Variants in JAKMIP1 observed in about 807,000 individuals in gnomAD.
JAKMIP1 encodes the protein janus kinase and microtubule-interacting protein 1.
Under a neutral mutation model 113.0 loss-of-function variants are expected in JAKMIP1, and 33 were observed. The ratio of observed to expected loss-of-function variants is 0.29; its 90% CI spans 0.22 to 0.39. JAKMIP1 has a LOEUF of 0.39. Ranked by LOEUF, JAKMIP1 falls within the 10% of genes least tolerant of loss-of-function variation. JAKMIP1 has a pLI of 1.00. For missense variants in JAKMIP1, 813 were observed against 1,080.5 expected (o/e 0.75, Z 3.47); for synonymous variants, 480 against 459.9 (o/e 1.04, Z -0.56).
rs28484635 is a variant in JAKMIP1 at position 6,098,585 on chromosome 4, G to A, written c.624+6888C>T. 2.6e-3 allele frequency among the ~76,000 whole-genome samples: 225 copies of A among 85,360 alleles called. 1 individual carries two copies. Among genetic ancestry groups the A allele is most frequent in the Middle Eastern group, 0.014 (2 of 146 alleles). The allele number at this position is 85,360 out of a possible 152,430, so 56.0% of individuals were successfully genotyped here. On this transcript the variant is annotated intron_variant, in intron 3 of 20. Coordinates refer to ENST00000409021, the MANE Select transcript of JAKMIP1 (RefSeq NM_001099433.2). ...AAGAAAGAAAGAAAGAAAGAAAGAA[G>A]GAAAGGAAGAAAGAAAGGAAGAAAA... is the stretch of plus-strand genomic sequence containing the variant.
intron 2 of JAKMIP1, among the ~76,000 whole-genome samples, chr4:6,107,775 C>T (rs141987764): frequency 2.4e-4 from 37 of 152,228 alleles, no homozygotes; most frequent in African/African-American, 8.4e-4. Flanking sequence ...GTGTGTGTCA[C>T]AACCTATTGG....
chr4:6,058,387 T>C (rs1488619275), intron 11 of JAKMIP1, among the ~76,000 whole-genome samples: 1 of 152,274 alleles, frequency 6.6e-6, no homozygotes, highest in Non-Finnish European at 1.5e-5. Flanking sequence ...AGGGAATAAG[T>C]ACATTCTATG....
At chr4:6,109,234 G>A (rs1226921475) in intron 2 of JAKMIP1, among the ~76,000 whole-genome samples, 1 of 144,348 alleles carries the variant, frequency 6.9e-6, no homozygotes, top group East Asian at 2.1e-4. Flanking sequence ...CCAGGTTCAC[G>A]CCATTCTCCT....
chr4:6,112,794 C>T lies in JAKMIP1; in HGVS notation c.57G>A (p.Val19=). 6.2e-7 allele frequency: 1 copy of T among 1,614,134 alleles called. No homozygotes were observed. The highest frequency in any genetic ancestry group is 8.5e-7 in the Non-Finnish European group (1 of 1,180,050). ...CCCGCAGCTCCTCGTTGGCCATCTG[C>T]ACCGCGTCCGTCTCCATCTCGGGCT... The part of the protein sequence containing the change: ...GEKPEMETDA[V]QMANEELRAK... Residue 19 remains valine (V), a synonymous_variant, in exon 2 of 21, where the codon GTG becomes GTA. Transcript: ENST00000409021.
chr4:6,080,289 C>T lies in JAKMIP1; in HGVS notation c.1125G>A (p.Ala375=), dbSNP rs150623866. The change falls in exon 7 of 21, where the codon GCG becomes GCA. Residue 375 remains alanine, a synonymous_variant. Transcript: ENST00000409021. The surrounding 1 kb of genome is among the most constrained non-coding windows in gnomAD (Gnocchi z 6.0). Reference sequence around the variant, plus strand: ...TCAAGGAGGTATGCCGCTTCAGAGACGCCTGCGCTGACAGCTTTTCTTTCT... The same window carrying T: ...TCAAGGAGGTATGCCGCTTCAGAGATGCCTGCGCTGACAGCTTTTCTTTCT... ...VEMKEKLSAQ[A]SLKRHTSLND... The T allele has an allele frequency of 6.0e-5, 97 of 1,614,094 alleles. 1 individual carries two copies. Among genetic ancestry groups the T allele is most frequent in the South Asian group, 5.3e-4 (48 of 91,062 alleles).
At chr4:6,146,435 C>T (rs1413613404) in intron 1 of JAKMIP1, among the ~76,000 whole-genome samples, 2 of 152,112 alleles carry the variant, frequency 1.3e-5, no homozygotes, top group Non-Finnish European at 2.9e-5. Context: ...GTTGGGACTA[C>T]AGGCATGTGT....
chr4:6,089,299 A>C lies in JAKMIP1; in HGVS notation c.625-3670T>G, dbSNP rs865850462. ...GGGAGCCAACAGACACCCATGGCCT[A>C]AGCTGGTTTGATGGAATTTCTGTCA... On this transcript the variant is annotated intron_variant, in intron 3 of 20. Coordinates refer to ENST00000409021, the MANE Select transcript of JAKMIP1 (RefSeq NM_001099433.2). This position sits in a 1 kb window ranked among gnomAD's most constrained non-coding sequence, Gnocchi z 5.3. Among the ~76,000 whole-genome samples, 28 of 152,318 alleles carry C rather than the reference A, an allele frequency of 1.8e-4. No individual in the cohort carries two copies. In the Middle Eastern group the frequency reaches 0.014, roughly 74 times the overall value.
chr4:6,141,357 A>C lies in JAKMIP1; in HGVS notation c.-147-28360T>G, dbSNP rs571715886. 4.9e-4 allele frequency among the ~76,000 whole-genome samples: 75 copies of C among 151,628 alleles called. No homozygotes were observed. Among genetic ancestry groups the C allele is most frequent in the Non-Finnish European group, 9.1e-4 (62 of 67,972 alleles). ...AGGCTGAGGCAGGAGAATTGCTTGAACCCGGCAGGCAGAAGTTGCAGTGAG... is the reference window on the plus strand; with the variant it reads ...AGGCTGAGGCAGGAGAATTGCTTGACCCCGGCAGGCAGAAGTTGCAGTGAG... On this transcript the variant is annotated intron_variant, in intron 1 of 20. Coordinates refer to ENST00000409021, the MANE Select transcript of JAKMIP1 (RefSeq NM_001099433.2). This position sits in a 1 kb window ranked among gnomAD's most constrained non-coding sequence, Gnocchi z 9.4.
In JAKMIP1 at chr4:6,135,529, G is replaced by T. The variant is rs1719106631; in HGVS notation, c.-147-22532C>A. Among the ~76,000 whole-genome samples, 1 of 152,166 alleles carries T rather than the reference G, an allele frequency of 6.6e-6. No individual in the cohort carries two copies. The highest frequency in any genetic ancestry group is 2.4e-5 in the African/African-American group (1 of 41,428). On this transcript the variant is annotated intron_variant, in intron 1 of 20. Coordinates refer to ENST00000409021, the MANE Select transcript of JAKMIP1 (RefSeq NM_001099433.2). The surrounding 1 kb of genome is among the most constrained non-coding windows in gnomAD (Gnocchi z 4.9). ...CTGATACAGAGATGCTCCTTGAGCT[G>T]CCCGACCCCACTCCACGGACGGGGA...
intron 3 of JAKMIP1, among the ~76,000 whole-genome samples, chr4:6,085,994 G>A (rs991386484): frequency 1.3e-5 from 2 of 151,878 alleles, no homozygotes; most frequent in African/African-American, 4.8e-5. Context: ...TTCTCTCTCC[G>A]TCTCCAGGAC....
rs370135434 is a variant in JAKMIP1 at position 6,068,705 on chromosome 4, G to A, written c.1303-3697C>T. The stretch of plus-strand genomic sequence containing the variant: ...CCCAAGTAGCTGGGATTACAGGTGC[G>A]TGCCACCACATCTGGCTAATTTTTG... On this transcript the variant is annotated intron_variant, in intron 8 of 20. Transcript: ENST00000409021. Among the ~76,000 whole-genome samples, 35 of 151,924 alleles carry A rather than the reference G, an allele frequency of 2.3e-4. 1 individual carries two copies. Among genetic ancestry groups the A allele is most frequent in the African/African-American group, 6.5e-4 (27 of 41,414 alleles).
Position 6,106,441 on chromosome 4 carries a change from A to G in JAKMIP1, c.130-474T>C, listed in dbSNP as rs376146692. Among the ~76,000 whole-genome samples, 3 of 152,042 alleles carry G rather than the reference A, an allele frequency of 2.0e-5. No individual in the cohort carries two copies. In the East Asian group the frequency reaches 5.8e-4, roughly 29 times the overall value. On this transcript the variant is annotated intron_variant, in intron 2 of 20. Transcript: ENST00000409021. This position sits in a 1 kb window ranked among gnomAD's most constrained non-coding sequence, Gnocchi z 5.9. The stretch of plus-strand genomic sequence containing the variant: ...ACCATTCTTGTTGAGTGGGGTCCCT[A>G]GCTGGGCTGGGGGCTCCAATGCATC...
intron 4 of JAKMIP1, 50 bp downstream of exon 4, chr4:6,085,370 T>C (rs764680266): frequency 6.4e-7 from 1 of 1,565,152 alleles, no homozygotes; most frequent in Non-Finnish European, 8.7e-7. Flanking sequence ...AAATGCCACC[T>C]AAATGGGTGG....
At chr4:6,148,836 C>T (rs1287207630) in intron 1 of JAKMIP1, among the ~76,000 whole-genome samples, 7 of 152,218 alleles carry the variant, frequency 4.6e-5, no homozygotes, top group African/African-American at 1.7e-4. Context: ...AAGAAGCCCC[C>T]GTTTTATTTA....
intron 1 of JAKMIP1, among the ~76,000 whole-genome samples, chr4:6,114,295 T>C (rs898758624): frequency 2.0e-5 from 3 of 152,066 alleles, no homozygotes; most frequent in African/African-American, 7.2e-5. Context: ...CTACAGAAGA[T>C]GGTGTGTCTA....
At position 6,088,358 on chromosome 4, in the gene JAKMIP1, G is replaced by A. The variant is rs1009757026; in HGVS notation, c.625-2729C>T. ...CAAACCAACAGTTTGTCCATCACGG[G>A]TAAGGGAGGGTTCTTGTCTGCCCCT... is the stretch of plus-strand genomic sequence containing the variant. On this transcript the variant is annotated intron_variant, in intron 3 of 20. Transcript: ENST00000409021. This position sits in a 1 kb window ranked among gnomAD's most constrained non-coding sequence, Gnocchi z 5.5. Among the ~76,000 whole-genome samples, 15 of 152,312 alleles carry A rather than the reference G, an allele frequency of 9.8e-5. No individual in the cohort carries two copies. Among genetic ancestry groups the A allele is most frequent in the Middle Eastern group, 6.8e-3 (2 of 294 alleles).
chr4:6,096,630 G>C (rs1011913230), intron 3 of JAKMIP1, among the ~76,000 whole-genome samples: 1 of 152,174 alleles, frequency 6.6e-6, no homozygotes, highest in Non-Finnish European at 1.5e-5. Context: ...AGGATCCATG[G>C]CCTGAGGCTG....
chr4:6,027,101 T>C (rs1475771099), intron 20 of JAKMIP1, among the ~76,000 whole-genome samples: 1 of 151,892 alleles, frequency 6.6e-6, no homozygotes, highest in Non-Finnish European at 1.5e-5. Flanking sequence ...AAGACGGTCT[T>C]AACGGGAGGA....
rs1238056502 is a variant in JAKMIP1, at chr4:6,081,196, C to T, written c.1101+413G>A. 6.6e-6 allele frequency among the ~76,000 whole-genome samples: 1 copy of T among 152,234 alleles called. No individual in the cohort carries two copies. Among genetic ancestry groups the T allele is most frequent in the African/African-American group, 2.4e-5 (1 of 41,458 alleles). On this transcript the variant is annotated intron_variant, in intron 6 of 20. Coordinates refer to ENST00000409021, the MANE Select transcript of JAKMIP1 (RefSeq NM_001099433.2). This position sits in a 1 kb window ranked among gnomAD's most constrained non-coding sequence, Gnocchi z 4.6. Reference sequence around the variant, plus strand: ...GGCATCCTAGCTGGAGGAGAAACCCCTCTGCAGAGCATCGCCAGCGATCAT... The same window carrying T: ...GGCATCCTAGCTGGAGGAGAAACCCTTCTGCAGAGCATCGCCAGCGATCAT...
Sources: gnomAD v4.1 joint callset for allele counts (sites outside exome capture counted in the v4.1 genomes callset) on GRCh38, gnomAD v4.1.1 for gene constraint, Gnocchi (gnomAD v3.1) non-coding constraint, MANE v1.5 for transcripts, NCBI Gene and HGNC (gene_info 2026-07-23, HGNC 2026-07-21) for gene names.